Variants in EXPH5 observed in about 807,000 individuals in gnomAD.
EXPH5 encodes exophilin-5.
Under a neutral mutation model 41.1 loss-of-function variants are expected in EXPH5, and 42 were observed. That is an observed-to-expected ratio of 1.02 (90% CI 0.80 to 1.32). The LOEUF (loss-of-function observed/expected upper bound fraction) is 1.32. Ranked by LOEUF, EXPH5 falls within the 40% of genes most tolerant of loss-of-function variation. EXPH5 has a pLI of 0.00. For synonymous variants in EXPH5, 798 were observed against 833.5 expected (o/e 0.96, Z 0.73); for missense variants, 2,298 against 2,314.5 (o/e 0.99, Z 0.15).
chr11:108,526,473 C>T (rs935860063), intron 4 of EXPH5, among the ~76,000 whole-genome samples: 1 of 152,176 alleles, frequency 6.6e-6, no homozygotes, highest in Non-Finnish European at 1.5e-5. Flanking sequence ...CCTTTTCTGC[C>T]TCAGACCCCG....
rs1328232018 is a variant in EXPH5, at chr11:108,514,590, A to G, written c.917T>C (p.Phe306Ser). 6.2e-7 allele frequency: 1 copy of G among 1,614,034 alleles called. No individual in the cohort carries two copies. The highest frequency in any genetic ancestry group is 2.2e-5 in the East Asian group (1 of 44,888). ...ATTCTTTTGCACATAATCTTCTTTA[A>G]AGACTCTGGGCTCCCTTGTCCTATA... is the stretch of plus-strand genomic sequence containing the variant. ...DMYRTREPRVFKEDYVQKNTF... is the reference protein window; with the variant it reads ...DMYRTREPRVSKEDYVQKNTF... Residue 306 changes from phenylalanine to serine, a missense_variant, in exon 6 of 6, where the codon TTT (phenylalanine) becomes TCT (serine). Phe to Ser is a radical substitution (Grantham distance 155). Transcript: ENST00000265843.
At chr11:108,523,277 G>A (rs1008688691) in intron 4 of EXPH5, among the ~76,000 whole-genome samples, 1 of 152,030 alleles carries the variant, frequency 6.6e-6, no homozygotes, top group African/African-American at 2.4e-5. Flanking sequence ...GAATTAAGTA[G>A]GAATTATCAT....
rs557086653 is a variant in EXPH5, at chr11:108,512,544, T to G, written c.2963A>C (p.Lys988Thr). ...GGTGGGTACTGATATACTTTCTGTT[T>G]TGCTTAACTTTTCAATACAGGATAT... ...HHISCIEKLSKTESISVPTSD... is the reference protein window; with the variant it reads ...HHISCIEKLSTTESISVPTSD... The change falls in exon 6 of 6, where the codon AAA becomes ACA. Residue 988 changes from lysine (K) to threonine (T), a missense_variant. Coordinates refer to ENST00000265843, the MANE Select transcript of EXPH5 (RefSeq NM_015065.3). 6.2e-7 allele frequency: 1 copy of G among 1,612,246 alleles called. No individual in the cohort carries two copies. Among genetic ancestry groups the G allele is most frequent in the Admixed American group, 1.7e-5 (1 of 59,580 alleles).
At chr11:108,592,418 C>G (rs746293461) in intron 1 of EXPH5, among the ~76,000 whole-genome samples, 2 of 152,132 alleles carry the variant, frequency 1.3e-5, no homozygotes, top group Non-Finnish European at 2.9e-5. Flanking sequence ...AATTGGGAAC[C>G]TGGAACTCGC....
upstream of EXPH5, among the ~76,000 whole-genome samples, chr11:108,594,595 T>A (rs186216224): frequency 2.5e-4 from 38 of 152,330 alleles, no homozygotes; most frequent in African/African-American, 7.2e-4. Flanking sequence ...ACTTTTTTTT[T>A]AATTATCAAG....
chr11:108,573,529 A>T (rs1436896873), intron 1 of EXPH5, among the ~76,000 whole-genome samples: 4 of 152,238 alleles, frequency 2.6e-5, no homozygotes, highest in South Asian at 2.1e-4. Context: ...GAGATTTTAT[A>T]CAAACTGGTG....
rs117889119 is a variant in EXPH5 at position 108,574,720 on chromosome 11, A to G, written c.119+18698T>C. Among the ~76,000 whole-genome samples, 71 of 152,288 alleles carry G rather than the reference A, an allele frequency of 4.7e-4. 2 individuals are homozygous for G. The East Asian group carries it at 0.014, about 29-fold the overall frequency. ...TTGCTTTTCTAATTCCCTTGCAGCT[A>G]AGGATGACCATATGACATGGTTCTG... is the stretch of plus-strand genomic sequence containing the variant. On this transcript the variant is annotated intron_variant, in intron 1 of 5. Transcript: ENST00000265843.
chr11:108,560,445 A>G (rs912652648), intron 1 of EXPH5, among the ~76,000 whole-genome samples: 1 of 152,276 alleles, frequency 6.6e-6, no homozygotes, highest in Non-Finnish European at 1.5e-5. Context: ...TCTACTGATA[A>G]ACCAACTGAC....
the EXPH5 span, among the ~76,000 whole-genome samples, chr11:108,607,528 C>T: frequency 6.6e-6 from 1 of 152,188 alleles, no homozygotes; most frequent in Admixed American, 6.5e-5. Context: ...GGTGGCTCTA[C>T]GATGTACTAA....
intron 1 of EXPH5, among the ~76,000 whole-genome samples, chr11:108,574,449 A>G (rs1157803062): frequency 6.6e-6 from 1 of 152,226 alleles, no homozygotes; most frequent in Non-Finnish European, 1.5e-5. Flanking sequence ...ATTTTCAGAT[A>G]AAGAGAAGTG....
At position 108,510,279 on chromosome 11, in the gene EXPH5, G is replaced by C; in HGVS notation, c.5228C>G (p.Ala1743Gly). 6.2e-7 allele frequency: 1 copy of C among 1,614,074 alleles called. No homozygotes were observed. The highest frequency in any genetic ancestry group is 8.5e-7 in the Non-Finnish European group (1 of 1,180,022). ...CCTCCTCTGATTGTCAGAGAATTCTGCTTCCCTGAGGCTGGTGAATGTGAT... is the reference window on the plus strand; with the variant it reads ...CCTCCTCTGATTGTCAGAGAATTCTCCTTCCCTGAGGCTGGTGAATGTGAT... ...SPITFTSLREAEFSDNQRRLS... is the reference protein window; with the variant it reads ...SPITFTSLREGEFSDNQRRLS... Residue 1743 changes from alanine to glycine, a missense_variant, in exon 6 of 6, where the codon GCA becomes GGA. Physicochemically the swap from Ala to Gly is moderately conservative, Grantham distance 60. Transcript: ENST00000265843.
At chr11:108,598,003 G>A (rs985670416), upstream of EXPH5, among the ~76,000 whole-genome samples, 4 of 151,936 alleles carry the variant, frequency 2.6e-5, no homozygotes, top group Non-Finnish European at 2.9e-5. Context: ...ATGCATAGAG[G>A]TTAAAAAATA....
intron 3 of EXPH5, among the ~76,000 whole-genome samples, chr11:108,536,828 T>G (rs560858571): frequency 1.1e-4 from 16 of 152,320 alleles, no homozygotes; most frequent in African/African-American, 2.9e-4. Flanking sequence ...CTGATCAGAA[T>G]TCTTTCGCCT....
At chr11:108,546,992 G>T (rs1224057829) in intron 1 of EXPH5, among the ~76,000 whole-genome samples, 3 of 151,506 alleles carry the variant, frequency 2.0e-5, no homozygotes, top group African/African-American at 4.9e-5. Flanking sequence ...TAGTAGAGAC[G>T]GGGTTTCACC....
In EXPH5 at chr11:108,513,128, T is replaced by C. The variant is rs2093695146; in HGVS notation, c.2379A>G (p.Lys793=). The change falls in exon 6 of 6, where the codon AAA becomes AAG. Residue 793 remains lysine (K), a synonymous_variant. Transcript: ENST00000265843. The part of the protein sequence containing the change: ...IPHTDKSNDI[K]QDKRFTENRK... ...TGTTTTCAGTAAACCTCTTATCTTG[T>C]TTAATGTCATTGGATTTATCTGTGT... 1 of 1,612,238 alleles carries C rather than the reference T, an allele frequency of 6.2e-7. No homozygotes were observed. Among genetic ancestry groups the C allele is most frequent in the East Asian group, 2.2e-5 (1 of 44,876 alleles).
At chr11:108,571,946 G>A (rs1251748871) in intron 1 of EXPH5, among the ~76,000 whole-genome samples, 4 of 152,008 alleles carry the variant, frequency 2.6e-5, no homozygotes, top group African/African-American at 4.8e-5. Flanking sequence ...TACTCGGAGA[G>A]GCTGAGGCAG....
intron 1 of EXPH5, among the ~76,000 whole-genome samples, chr11:108,573,172 GAAAGAAAGAAAGAAAGAAAGAAAGAAAA>G (rs2094067724): frequency 1.4e-5 from 2 of 144,102 alleles, no homozygotes; most frequent in African/African-American, 5.4e-5. Context: ...AAGAAAGAAA[GAAAGAAAGAAAGAAAGAAAGAAAGAAAA>G]AGAAAGAAAG....
At chr11:108,535,649 C>T (rs2093874799) in intron 3 of EXPH5, among the ~76,000 whole-genome samples, 1 of 152,134 alleles carries the variant, frequency 6.6e-6, no homozygotes, top group Non-Finnish European at 1.5e-5. Context: ...TTTAATTTTC[C>T]AAAATAGAAT....
Position 108,512,124 on chromosome 11 carries a change from C to T in EXPH5, c.3383G>A (p.Gly1128Glu). 2 of 1,613,822 alleles carry T rather than the reference C, an allele frequency of 1.2e-6. No individual in the cohort carries two copies. Among genetic ancestry groups the T allele is most frequent in the Non-Finnish European group, 1.7e-6 (2 of 1,179,922 alleles). ...LINRAMSCPS[G>E]EPHASTGREG... ...TCTTCCAGTTGAGGCATGTGGCTCC[C>T]CTGAGGGACATGACATAGCCCTGTT... The change falls in exon 6 of 6, where the codon GGG becomes GAG. Residue 1128 changes from glycine to glutamate, a missense_variant. Physicochemically the swap from Gly to Glu is moderately conservative, Grantham distance 98. Coordinates refer to ENST00000265843, the MANE Select transcript of EXPH5 (RefSeq NM_015065.3).
Sources: allele counts gnomAD v4.1 joint callset (sites outside exome capture counted in the v4.1 genomes callset), GRCh38; gene constraint gnomAD v4.1.1; transcripts MANE v1.5; gene names NCBI Gene and HGNC (gene_info 2026-07-23, HGNC 2026-07-21).